The following SLC2A13 variants were observed in gnomAD, a reference collection of about 807,000 sequenced individuals.
SLC2A13 encodes proton myo-inositol cotransporter.
In SLC2A13, 32 loss-of-function variants were observed where a neutral mutation model predicts 64.4. The observed-to-expected ratio is 0.50, with a 90% confidence interval of 0.37 to 0.67. SLC2A13 has a LOEUF of 0.67. SLC2A13 is among the 30% of genes least tolerant of loss of function. The probability of loss-of-function intolerance (pLI) is 0.00; values close to 1 mark genes in which losing one functional copy is unlikely to be tolerated. For synonymous variants in SLC2A13, 338 were observed against 327.1 expected (o/e 1.03, Z -0.36); for missense variants, 743 against 829.2 (o/e 0.90, Z 1.28).
intron 2 of SLC2A13, among the ~76,000 whole-genome samples, chr12:40,038,987 G>T (rs2136227816): frequency 6.6e-6 from 1 of 151,988 alleles, no homozygotes; most frequent in East Asian, 1.9e-4. Context: ...TTTTTTTATT[G>T]TGGTAAAATA....
rs1020805643 is a variant in SLC2A13 at position 40,105,006 on chromosome 12, A to G, written c.556+247T>C. ...ACTTGGACTGACTGGTCCGTGGCCT[A>G]TCAAAGATTCCACGTGCGCTCGAGG... On this transcript the variant is annotated intron_variant, in intron 1 of 9. Transcript: ENST00000280871. The surrounding 1 kb of genome is among the most constrained non-coding windows in gnomAD (Gnocchi z 4.2). Among the ~76,000 whole-genome samples, 4 of 152,184 alleles carry G rather than the reference A, an allele frequency of 2.6e-5. No individual in the cohort carries two copies. Among genetic ancestry groups the G allele is most frequent in the African/African-American group, 9.7e-5 (4 of 41,448 alleles).
At chr12:40,005,292 C>G (rs1186066170) in intron 3 of SLC2A13, among the ~76,000 whole-genome samples, 1 of 152,140 alleles carries the variant, frequency 6.6e-6, no homozygotes, top group Non-Finnish European at 1.5e-5. Flanking sequence ...GAATGAAGTT[C>G]ATTTGAAGTG....
At chr12:40,003,740 A>AT (rs1293065760) in intron 3 of SLC2A13, among the ~76,000 whole-genome samples, 3 of 151,918 alleles carry the variant, frequency 2.0e-5, no homozygotes, top group African/African-American at 4.8e-5. Flanking sequence ...AGTACCAGAC[A>AT]TTTTTTCTCA....
At chr12:39,793,287 C>T (rs1171239648) in intron 7 of SLC2A13, among the ~76,000 whole-genome samples, 1 of 151,956 alleles carries the variant, frequency 6.6e-6, no homozygotes, top group Non-Finnish European at 1.5e-5. Context: ...AAAAGACGTG[C>T]AAAATTGTAC....
At chr12:39,812,438 T>A (rs533073362) in intron 7 of SLC2A13, among the ~76,000 whole-genome samples, 1 of 150,912 alleles carries the variant, frequency 6.6e-6, no homozygotes, top group East Asian at 1.9e-4. Flanking sequence ...TCCTTCCTTT[T>A]CTTTCTTCTC....
At chr12:39,941,031 A>G (rs1946015828) in intron 4 of SLC2A13, among the ~76,000 whole-genome samples, 1 of 152,010 alleles carries the variant, frequency 6.6e-6, no homozygotes. Flanking sequence ...GTCAGTGCAA[A>G]TGCTGTTAAT....
intron 7 of SLC2A13, among the ~76,000 whole-genome samples, chr12:39,780,777 A>G (rs1940950688): frequency 6.6e-6 from 1 of 152,192 alleles, no homozygotes; most frequent in African/African-American, 2.4e-5. Context: ...TAATACATAC[A>G]CGAAAACATG....
intron 2 of SLC2A13, among the ~76,000 whole-genome samples, chr12:40,041,502 C>T (rs1948089760): frequency 1.3e-5 from 2 of 152,222 alleles, no homozygotes; most frequent in African/African-American, 4.8e-5. Context: ...GCTCCCATTA[C>T]ACTATATCCA....
At chr12:40,066,119 T>C (rs1428791066) in intron 1 of SLC2A13, among the ~76,000 whole-genome samples, 1 of 152,060 alleles carries the variant, frequency 6.6e-6, no homozygotes, top group Admixed American at 6.5e-5. Context: ...AATGTAGAGG[T>C]TTGAGATTAA....
At chr12:40,081,599 T>TA (rs1379273767) in intron 1 of SLC2A13, among the ~76,000 whole-genome samples, 6 of 152,212 alleles carry the variant, frequency 3.9e-5, no homozygotes, top group Admixed American at 3.9e-4. Context: ...TTGGAATCCT[T>TA]AGATTCCCTG....
chr12:40,025,434 T>G (rs2136212648), intron 3 of SLC2A13, among the ~76,000 whole-genome samples: 1 of 152,212 alleles, frequency 6.6e-6, no homozygotes, highest in East Asian at 1.9e-4. Context: ...AAAATTCCTA[T>G]GAAAAGAGAA....
rs748092714 is a variant in SLC2A13, at chr12:40,105,438, A to G, written c.371T>C (p.Val124Ala). The change falls in exon 1 of 10, where the codon GTG (valine) becomes GCG (alanine). Residue 124 changes from valine (V) to alanine (A), a missense_variant. Coordinates refer to ENST00000280871, the MANE Select transcript of SLC2A13 (RefSeq NM_052885.4). The surrounding 1 kb of genome is among the most constrained non-coding windows in gnomAD (Gnocchi z 4.2). ...SLDALWQELL[V>A]SSTVGAAAVS... is the part of the protein sequence containing the mutation. ...GGCAGCCGCCCCCACCGTGCTGGAC[A>G]CCAGCAGCTCCTGCCACAGCGCGTC... 1.0e-5 allele frequency: 16 copies of G among 1,554,152 alleles called. No homozygotes were observed. The highest frequency in any genetic ancestry group is 1.4e-5 in the African/African-American group (1 of 72,970).
At chr12:39,933,835 A>G (rs1945872684) in intron 4 of SLC2A13, among the ~76,000 whole-genome samples, 1 of 152,214 alleles carries the variant, frequency 6.6e-6, no homozygotes. Flanking sequence ...GGGAAAAAAC[A>G]CAACCCTGAA....
intron 1 of SLC2A13, among the ~76,000 whole-genome samples, chr12:40,074,922 A>G (rs1938111342): frequency 6.6e-6 from 1 of 152,222 alleles, no homozygotes. Flanking sequence ...TAGTTGGAAC[A>G]GAATGGCTAG....
chr12:39,958,960 T>A (rs1048023662), intron 3 of SLC2A13, among the ~76,000 whole-genome samples: 1 of 152,076 alleles, frequency 6.6e-6, no homozygotes, highest in Non-Finnish European at 1.5e-5. Context: ...TTTTATCATT[T>A]TACTTCCCAT....
chr12:40,000,625 C>A (rs1226452518), intron 3 of SLC2A13, among the ~76,000 whole-genome samples: 1 of 152,086 alleles, frequency 6.6e-6, no homozygotes. Context: ...TTTCTGGAGG[C>A]CTCTCTCTCC....
rs548008530 is a variant in SLC2A13, at chr12:39,884,333, A to G, written c.1035-12372T>C. ...AATTATAATCACAAGGAACTTACACATGTCTTCAGAAAATAAAAGACCCTT... is the reference window on the plus strand; with the variant it reads ...AATTATAATCACAAGGAACTTACACGTGTCTTCAGAAAATAAAAGACCCTT... On this transcript the variant is annotated intron_variant, in intron 4 of 9. Transcript: ENST00000280871. Among the ~76,000 whole-genome samples, 6 of 152,258 alleles carry G rather than the reference A, an allele frequency of 3.9e-5. No homozygotes were observed. The East Asian group carries it at 5.8e-4, about 15-fold the overall frequency.
chr12:39,837,266 C>T (rs1214558381), intron 6 of SLC2A13, among the ~76,000 whole-genome samples: 1 of 150,184 alleles, frequency 6.7e-6, no homozygotes, highest in Non-Finnish European at 1.5e-5. Flanking sequence ...ATAAATGGTG[C>T]TGGGAAAACT....
chr12:39,972,022 T>A (rs796545725), intron 3 of SLC2A13, among the ~76,000 whole-genome samples: 30,931 of 91,392 alleles, frequency 0.34, 6,256 homozygotes, highest in Middle Eastern at 0.5. Flanking sequence ...ATATTTTTTT[T>A]TATATAAATA....
Sources: allele counts gnomAD v4.1 joint callset (sites outside exome capture counted in the v4.1 genomes callset), GRCh38; gene constraint gnomAD v4.1.1; non-coding constraint Gnocchi (gnomAD v3.1); transcripts MANE v1.5; gene names NCBI Gene and HGNC (gene_info 2026-07-23, HGNC 2026-07-21).